The following RBM19 variants were observed in gnomAD, a reference collection of about 807,000 sequenced individuals.
RBM19 encodes the protein probable RNA-binding protein 19.
Under a neutral mutation model 116.8 loss-of-function variants are expected in RBM19, and 94 were observed. The ratio of observed to expected loss-of-function variants is 0.80; its 90% CI spans 0.68 to 0.95. The LOEUF is 0.95. RBM19 is among the 40% of genes least tolerant of loss of function. The pLI is 0.00. For missense variants in RBM19, 1,161 were observed against 1,220.7 expected (o/e 0.95, Z 0.73); for synonymous variants, 475 against 494.1 (o/e 0.96, Z 0.51).
At chr12:113,926,912 TC>T (rs1166322534) in intron 17 of RBM19, 141 bp downstream of exon 17, 1 of 975,186 alleles carries the variant, frequency 1.0e-6, no homozygotes, top group African/African-American at 1.6e-5. Context: ...GGGGAAAGGG[TC>T]AAGTAGGTGG....
chr12:113,896,947 C>T (rs1355621268), intron 21 of RBM19, among the ~76,000 whole-genome samples: 2 of 152,180 alleles, frequency 1.3e-5, no homozygotes, highest in Non-Finnish European at 2.9e-5. Flanking sequence ...TAGCAGTTTA[C>T]ACCATCTCTG....
intron 21 of RBM19, among the ~76,000 whole-genome samples, chr12:113,875,939 T>G (rs1879641154): frequency 6.6e-6 from 1 of 152,052 alleles, no homozygotes; most frequent in African/African-American, 2.4e-5. Context: ...TCCATTCCAT[T>G]TGGAAGATGG....
chr12:113,951,910 G>A (rs946424788), intron 8 of RBM19, among the ~76,000 whole-genome samples: 1 of 152,224 alleles, frequency 6.6e-6, no homozygotes, highest in African/African-American at 2.4e-5. Context: ...CAGCTACAGG[G>A]CCTCAGTGTG....
At chr12:113,960,429 C>T (rs543635381) in intron 2 of RBM19, among the ~76,000 whole-genome samples, 13 of 152,304 alleles carry the variant, frequency 8.5e-5, no homozygotes, top group South Asian at 4.1e-4. Flanking sequence ...TGAGGAACTC[C>T]ACATGCCAGG....
intron 23 of RBM19, among the ~76,000 whole-genome samples, chr12:113,826,873 T>A (rs1527549): frequency 6.6e-6 from 1 of 152,140 alleles, no homozygotes; most frequent in Non-Finnish European, 1.5e-5. Context: ...CCTGGCTTTG[T>A]GGCCTTGATG....
intron 21 of RBM19, among the ~76,000 whole-genome samples, chr12:113,891,091 C>T (rs189322292): frequency 6.6e-6 from 1 of 152,148 alleles, no homozygotes; most frequent in Admixed American, 6.5e-5. Context: ...GCATGAGCCA[C>T]CAGGCCTGGC....
At chr12:113,947,202 C>T (rs1871099212) in intron 11 of RBM19, 132 bp downstream of exon 11, 2 of 1,173,156 alleles carry the variant, frequency 1.7e-6, no homozygotes, top group African/African-American at 1.5e-5. Context: ...AGTGACTTAG[C>T]ATGCCATTGC....
At chr12:113,947,700 C>T (rs1871150896) in intron 10 of RBM19, among the ~76,000 whole-genome samples, 1 of 152,224 alleles carries the variant, frequency 6.6e-6, no homozygotes, top group African/African-American at 2.4e-5. Flanking sequence ...TCAGTCTTTT[C>T]ATCTGTAAAA....
At chr12:113,960,912 CT>C (rs1298380332) in intron 2 of RBM19, among the ~76,000 whole-genome samples, 1 of 152,204 alleles carries the variant, frequency 6.6e-6, no homozygotes, top group African/African-American at 2.4e-5. Flanking sequence ...TCTGAGAGGA[CT>C]TTGAGAGCGC....
chr12:113,948,858 A>G lies in RBM19; in HGVS notation c.1251T>C (p.Asp417=). The G allele has an allele frequency of 6.2e-7, 1 of 1,614,140 alleles. No individual in the cohort carries two copies. ...RNLPYTSTEE[D]LEKLFSKYGP... ...CATATTTGGAGAAGAGCTTCTCCAG[A>G]TCCTCCTCGGTGCTGGTGTAGGGCA... The change falls in exon 10 of 24, where the codon GAT becomes GAC. Residue 417 remains aspartate, a synonymous_variant. Transcript: ENST00000261741.
chr12:113,959,756 C>A, intron 4 of RBM19, 109 bp downstream of exon 4: 1 of 1,341,826 alleles, frequency 7.5e-7, no homozygotes, highest in Non-Finnish European at 1.0e-6. Context: ...TCTCCAGCCT[C>A]TACGGTCTCC....
At chr12:113,873,905 C>A (rs899389560) in intron 21 of RBM19, among the ~76,000 whole-genome samples, 3 of 152,160 alleles carry the variant, frequency 2.0e-5, no homozygotes, top group Non-Finnish European at 4.4e-5. Flanking sequence ...TGCTGTGCCC[C>A]AGAGGGCCAA....
chr12:113,865,796 A>T (rs1593504093), intron 21 of RBM19, among the ~76,000 whole-genome samples: 1 of 151,566 alleles, frequency 6.6e-6, no homozygotes, highest in South Asian at 2.1e-4. Context: ...ATCCATGTTT[A>T]TTCCTTCCAG....
intron 22 of RBM19, among the ~76,000 whole-genome samples, chr12:113,854,543 C>T (rs960708945): frequency 6.6e-6 from 1 of 152,180 alleles, no homozygotes; most frequent in South Asian, 2.1e-4. Context: ...GATCATCACA[C>T]CTGGAGGTTT....
intron 7 of RBM19, among the ~76,000 whole-genome samples, chr12:113,954,331 C>A (rs1871726148): frequency 6.6e-6 from 1 of 152,036 alleles, no homozygotes; most frequent in Non-Finnish European, 1.5e-5. Context: ...AAACTAAAAA[C>A]AAAGGAAAAC....
chr12:113,839,827 C>T (rs1337910582), intron 23 of RBM19, among the ~76,000 whole-genome samples: 2 of 152,210 alleles, frequency 1.3e-5, no homozygotes, highest in Admixed American at 1.3e-4. Context: ...AGCCAGAATG[C>T]GGAATCCAGG....
At chr12:113,933,538 G>A (rs1032082358) in intron 16 of RBM19, among the ~76,000 whole-genome samples, 1 of 110,202 alleles carries the variant, frequency 9.1e-6, no homozygotes, top group Admixed American at 7.9e-5. Flanking sequence ...GAGGCCCAGC[G>A]GCCGGGCTCT....
intron 21 of RBM19, among the ~76,000 whole-genome samples, chr12:113,905,993 C>T (rs1400194289): frequency 6.6e-6 from 1 of 152,122 alleles, no homozygotes; most frequent in Non-Finnish European, 1.5e-5. Context: ...ATGAGGCGCA[C>T]CAGAACACCA....
chr12:113,922,597 C>T (rs1868681923), intron 18 of RBM19, among the ~76,000 whole-genome samples: 1 of 151,946 alleles, frequency 6.6e-6, no homozygotes, highest in Non-Finnish European at 1.5e-5. Flanking sequence ...GACCCCCATC[C>T]TGGACTTCAG....
Sources: allele counts gnomAD v4.1 joint callset (sites outside exome capture counted in the v4.1 genomes callset), GRCh38; gene constraint gnomAD v4.1.1; transcripts MANE v1.5; gene names NCBI Gene and HGNC (gene_info 2026-07-23, HGNC 2026-07-21).